RERE: variants seen among roughly 807,000 people sequenced by gnomAD.
The protein encoded by RERE is arginine-glutamic acid dipeptide repeats protein.
RERE carries 40 observed loss-of-function variants against 146.1 expected under a neutral mutation model. That is an observed-to-expected ratio of 0.27 (90% CI 0.21 to 0.36). The LOEUF (loss-of-function observed/expected upper bound fraction) is 0.36. RERE is among the 10% of genes least tolerant of loss of function. The pLI is 1.00. For missense variants in RERE, 1,933 were observed against 2,138.7 expected, an observed-to-expected ratio of 0.90 and a Z score of 1.90; for synonymous variants, 1,003 against 866.0, an observed-to-expected ratio of 1.16 and a Z score of -2.78.
intron 1 of RERE, among the ~76,000 whole-genome samples, chr1:8,724,654 C>A (rs1188793368): frequency 6.6e-6 from 1 of 151,798 alleles, no homozygotes; most frequent in African/African-American, 2.4e-5. Context: ...AGACCAGCGA[C>A]CCCGTCGCTA....
chr1:8,756,358 C>A (rs1375041864), intron 1 of RERE, among the ~76,000 whole-genome samples: 1 of 152,136 alleles, frequency 6.6e-6, no homozygotes, highest in Non-Finnish European at 1.5e-5. Flanking sequence ...TATTACATTG[C>A]TTTGAAGGAT....
intron 7 of RERE, among the ~76,000 whole-genome samples, chr1:8,522,593 C>T (rs534523431): frequency 6.6e-6 from 1 of 152,068 alleles, no homozygotes; most frequent in Admixed American, 6.6e-5. Flanking sequence ...AAGTGTCAGC[C>T]GGGCAGGGCG....
At chr1:8,412,104 C>T (rs301788) in intron 12 of RERE, among the ~76,000 whole-genome samples, 118,617 of 152,128 alleles carry the variant, frequency 0.78, 46,743 homozygotes, top group East Asian at 0.95. Flanking sequence ...AGGTGCTGGA[C>T]AGATGCTGCT....
chr1:8,613,156 C>CA (rs1218521038), intron 4 of RERE, among the ~76,000 whole-genome samples: 2 of 152,208 alleles, frequency 1.3e-5, no homozygotes, highest in Non-Finnish European at 2.9e-5. Flanking sequence ...TTCCACACTG[C>CA]AAACTGCTAC....
At chr1:8,526,797 C>T (rs1557672785) in intron 7 of RERE, among the ~76,000 whole-genome samples, 1 of 152,174 alleles carries the variant, frequency 6.6e-6, no homozygotes, top group East Asian at 1.9e-4. Context: ...CCAAAAATCT[C>T]ATTTGAGGTC....
chr1:8,370,615 C>T lies in RERE; in HGVS notation c.1285-4641G>A, dbSNP rs866292406. 1.4e-4 allele frequency among the ~76,000 whole-genome samples: 21 copies of T among 152,306 alleles called. No homozygotes were observed. In the South Asian group the frequency reaches 2.1e-3, roughly 15 times the overall value. On this transcript the variant is annotated intron_variant, in intron 12 of 22. Coordinates refer to ENST00000400908, the MANE Select transcript of RERE (RefSeq NM_001042681.2). ...GATTCAACACTGGAATGAAGCGAGT[C>T]TAGGATCGGAAATGGCATATTGGTG...
At position 8,358,507 on chromosome 1, in the gene RERE, G is replaced by T. The variant is rs758760118; in HGVS notation, c.4028C>A (p.Pro1343His). The change falls in exon 20 of 23, where the codon CCC (proline) becomes CAC (histidine). Residue 1343 changes from proline (P) to histidine (H), a missense_variant. By Grantham distance (77) the Pro-to-His change is moderately conservative (BLOSUM62 -2). Transcript: ENST00000400908. ...GCTGTGCCGGGCAAAGTGCTCCATG[G>T]GGTTGGCGGCTGGGTGCAGGGGGTC... ...ELDPLHPAAN[P>H]MEHFARHSAL... The T allele has an allele frequency of 4.4e-6, 7 of 1,592,140 alleles. No homozygotes were observed. The highest frequency in any genetic ancestry group is 6.0e-6 in the Non-Finnish European group (7 of 1,169,970).
intron 11 of RERE, chr1:8,428,632 G>T (rs1181817381): frequency 6.6e-6 from 1 of 151,996 alleles, no homozygotes; most frequent in Admixed American, 6.6e-5. Context: ...GGTTTTAATA[G>T]AACCTGGAAA....
intron 12 of RERE, among the ~76,000 whole-genome samples, chr1:8,411,519 G>A (rs1213339829): frequency 6.6e-6 from 1 of 151,968 alleles, no homozygotes; most frequent in Non-Finnish European, 1.5e-5. Flanking sequence ...AGCCCCAGAT[G>A]AGCCAGCTTC....
intron 7 of RERE, among the ~76,000 whole-genome samples, chr1:8,527,928 C>A (rs1645590151): frequency 6.6e-6 from 1 of 152,182 alleles, no homozygotes; most frequent in African/African-American, 2.4e-5. Flanking sequence ...GGCAGCAGCT[C>A]AGAAATGCAG....
chr1:8,472,138 T>C (rs1644696653), intron 10 of RERE, among the ~76,000 whole-genome samples: 1 of 152,194 alleles, frequency 6.6e-6, no homozygotes, highest in East Asian at 1.9e-4. Flanking sequence ...TAGATGAGGA[T>C]AATGTTCAAT....
chr1:8,620,045 C>T (rs1483583179), intron 3 of RERE, among the ~76,000 whole-genome samples: 1 of 152,214 alleles, frequency 6.6e-6, no homozygotes, highest in Non-Finnish European at 1.5e-5. Context: ...CAAAACATTT[C>T]TATTTGCACT....
intron 1 of RERE, among the ~76,000 whole-genome samples, chr1:8,665,755 C>G (rs1188995648): frequency 2.6e-5 from 4 of 152,128 alleles, no homozygotes; most frequent in Non-Finnish European, 5.9e-5. Flanking sequence ...TTAATATGCA[C>G]TAAGCACTTT....
chr1:8,465,885 G>C, intron 11 of RERE, 40 bp downstream of exon 11: 1 of 1,561,042 alleles, frequency 6.4e-7, no homozygotes, highest in Non-Finnish European at 8.8e-7. Flanking sequence ...CCGGTGGCCC[G>C]ATGCCCCAGA....
chr1:8,518,086 T>A (rs1557669093), intron 7 of RERE, among the ~76,000 whole-genome samples: 2 of 152,258 alleles, frequency 1.3e-5, no homozygotes, highest in South Asian at 2.1e-4. Context: ...GAAGGCAATG[T>A]TCTGTGAACA....
intron 8 of RERE, among the ~76,000 whole-genome samples, chr1:8,505,898 C>CT (rs1231014913): frequency 6.6e-6 from 1 of 152,120 alleles, no homozygotes; most frequent in Non-Finnish European, 1.5e-5. Flanking sequence ...CAAAACATTT[C>CT]TTTTTGAAAA....
intron 4 of RERE, among the ~76,000 whole-genome samples, chr1:8,586,342 T>C (rs1411642224): frequency 6.6e-6 from 1 of 152,222 alleles, no homozygotes; most frequent in Non-Finnish European, 1.5e-5. Flanking sequence ...AAGAAGGAAT[T>C]GTCATTGCAG....
intron 1 of RERE, among the ~76,000 whole-genome samples, chr1:8,676,960 G>T (rs1638853093): frequency 6.6e-6 from 1 of 152,022 alleles, no homozygotes; most frequent in Non-Finnish European, 1.5e-5. Flanking sequence ...CCTCCTTCAA[G>T]AAACCACTCC....
chr1:8,784,662 T>G (rs1641229304), intron 1 of RERE, among the ~76,000 whole-genome samples: 1 of 152,172 alleles, frequency 6.6e-6, no homozygotes, highest in African/African-American at 2.4e-5. Context: ...TTTCCAAATC[T>G]TTGTTCTCAA....
Sources: gnomAD v4.1 joint callset for allele counts (sites outside exome capture counted in the v4.1 genomes callset) on GRCh38, gnomAD v4.1.1 for gene constraint, MANE v1.5 for transcripts, NCBI Gene and HGNC (gene_info 2026-07-23, HGNC 2026-07-21) for gene names.